NHERF1: variants seen among roughly 807,000 people sequenced by gnomAD.
The protein encoded by NHERF1 is NHERF family PDZ scaffold protein 1.
At chr17:74,762,268 GC>G in the NHERF1 span, 1 of 1,128,852 alleles carries the variant, frequency 8.9e-7, no homozygotes, top group Non-Finnish European at 1.2e-6. The surrounding 1 kb of genome is among the most constrained non-coding windows in gnomAD (Gnocchi z 4.2). Flanking sequence ...GGCTTGATTA[GC>G]CCACGGGCAT....
At chr17:74,763,505 C>A in the NHERF1 span, 1 of 1,598,716 alleles carries the variant, frequency 6.3e-7, no homozygotes, top group South Asian at 1.1e-5. Flanking sequence ...GATCCCATCT[C>A]AGGAGCACCT....
the NHERF1 span, chr17:74,768,729 T>A: frequency 1.5e-6 from 2 of 1,333,702 alleles, no homozygotes; most frequent in Non-Finnish European, 2.1e-6. Flanking sequence ...TCTCCCCAAT[T>A]ACTCCCCTGA....
chr17:74,767,501 C>T, the NHERF1 span, among the ~76,000 whole-genome samples: 1 of 152,154 alleles, frequency 6.6e-6, no homozygotes, highest in African/African-American at 2.4e-5. Context: ...TGGGACAGGC[C>T]GACTCAGTCA....
At chr17:74,768,849 A>C in the NHERF1 span, 1 of 601,156 alleles carries the variant, frequency 1.7e-6, no homozygotes, top group South Asian at 2.0e-5. Context: ...GTCCTCCCGC[A>C]GTCAGAAAGG....
At chr17:74,749,010 C>T in the NHERF1 span, 5 of 1,608,720 alleles carry the variant, frequency 3.1e-6, no homozygotes, top group Middle Eastern at 1.6e-4. This position sits in a 1 kb window ranked among gnomAD's most constrained non-coding sequence, Gnocchi z 5.6. Flanking sequence ...GGGCTGCTGG[C>T]GGGGGACCGG....
the NHERF1 span, chr17:74,748,876 C>A: frequency 6.3e-7 from 1 of 1,596,482 alleles, no homozygotes; most frequent in Non-Finnish European, 8.5e-7. The surrounding 1 kb of genome is among the most constrained non-coding windows in gnomAD (Gnocchi z 4.3). Context: ...CCGGGGCGCC[C>A]CTGCCCCGGC....
chr17:74,754,874 T>C, the NHERF1 span, among the ~76,000 whole-genome samples: 1 of 152,250 alleles, frequency 6.6e-6, no homozygotes, highest in Admixed American at 6.5e-5. Flanking sequence ...CTACTATTTG[T>C]GTCTAGCACT....
chr17:74,764,670 C>T, the NHERF1 span, among the ~76,000 whole-genome samples: 1 of 152,228 alleles, frequency 6.6e-6, no homozygotes, highest in Non-Finnish European at 1.5e-5. The surrounding 1 kb of genome is among the most constrained non-coding windows in gnomAD (Gnocchi z 4.9). Flanking sequence ...TCAGACATTC[C>T]TCCCTCTTCT....
chr17:74,749,462 T>G, the NHERF1 span, among the ~76,000 whole-genome samples: 1 of 152,288 alleles, frequency 6.6e-6, no homozygotes, highest in Non-Finnish European at 1.5e-5. This position sits in a 1 kb window ranked among gnomAD's most constrained non-coding sequence, Gnocchi z 5.6. Context: ...TAGGCAGGCC[T>G]GGGGCTGCGT....
chr17:74,762,274 G>A, the NHERF1 span: 170 of 1,229,428 alleles, frequency 1.4e-4, no homozygotes, highest in Non-Finnish European at 1.8e-4. This position sits in a 1 kb window ranked among gnomAD's most constrained non-coding sequence, Gnocchi z 4.2. Flanking sequence ...ATTAGCCCAC[G>A]GGCATAGCCA....
chr17:74,750,972 AC>A, the NHERF1 span, among the ~76,000 whole-genome samples: 1 of 152,092 alleles, frequency 6.6e-6, no homozygotes, highest in Non-Finnish European at 1.5e-5. Context: ...ATTTGTGTGT[AC>A]TTTGTTAGGC....
the NHERF1 span, among the ~76,000 whole-genome samples, chr17:74,749,666 C>T: frequency 8.6e-4 from 131 of 152,294 alleles, no homozygotes; most frequent in Middle Eastern, 3.4e-3. The surrounding 1 kb of genome is among the most constrained non-coding windows in gnomAD (Gnocchi z 5.6). Context: ...CCTCGTTCAC[C>T]CCAGTCCGCA....
the NHERF1 span, among the ~76,000 whole-genome samples, chr17:74,755,041 C>T: frequency 3.9e-5 from 6 of 152,316 alleles, no homozygotes; most frequent in South Asian, 6.2e-4. Context: ...TCCCACACAG[C>T]GCAGGGGTGT....
the NHERF1 span, chr17:74,766,848 A>G: frequency 8.0e-7 from 1 of 1,254,218 alleles, no homozygotes; most frequent in African/African-American, 1.5e-5. Context: ...ACAAGATCTA[A>G]TAATCTGCCC....
At chr17:74,766,104 C>T in the NHERF1 span, among the ~76,000 whole-genome samples, 1 of 152,178 alleles carries the variant, frequency 6.6e-6, no homozygotes, top group Non-Finnish European at 1.5e-5. Flanking sequence ...TGAGACAATA[C>T]ATTTTTTAAA....
At chr17:74,748,786 G>GCCGTC in the NHERF1 span, 2 of 1,425,456 alleles carry the variant, frequency 1.4e-6, no homozygotes, top group East Asian at 2.4e-5. The surrounding 1 kb of genome is among the most constrained non-coding windows in gnomAD (Gnocchi z 4.3). Flanking sequence ...GAAGGGCTGG[G>GCCGTC]CCGTCCCGTC....
At chr17:74,756,879 C>A in the NHERF1 span, among the ~76,000 whole-genome samples, 2 of 152,192 alleles carry the variant, frequency 1.3e-5, no homozygotes, top group African/African-American at 4.8e-5. Context: ...CTATTTGTTA[C>A]TTCAGTGTTG....
the NHERF1 span, chr17:74,749,200 G>A: frequency 3.9e-6 from 6 of 1,526,572 alleles, no homozygotes; most frequent in South Asian, 7.2e-5. This position sits in a 1 kb window ranked among gnomAD's most constrained non-coding sequence, Gnocchi z 5.6. Context: ...AAGCGCCGGG[G>A]CAGGCCGAGC....
At chr17:74,754,606 G>A in the NHERF1 span, among the ~76,000 whole-genome samples, 3 of 151,616 alleles carry the variant, frequency 2.0e-5, no homozygotes, top group Admixed American at 6.6e-5. Context: ...TTTCACCACG[G>A]TGGCCAGGCT....
Sources: allele counts gnomAD v4.1 joint callset (sites outside exome capture counted in the v4.1 genomes callset), GRCh38; gene constraint gnomAD v4.1.1; non-coding constraint Gnocchi (gnomAD v3.1); transcripts MANE v1.5; gene names NCBI Gene and HGNC (gene_info 2026-07-23, HGNC 2026-07-21).